Variants in SPAG16 observed in about 807,000 individuals in gnomAD.
SPAG16 encodes the protein sperm-associated antigen 16 protein.
Under a neutral mutation model 80.4 loss-of-function variants are expected in SPAG16, and 86 were observed. The ratio of observed to expected loss-of-function variants is 1.07; its 90% CI spans 0.90 to 1.28. The LOEUF is 1.28. Ranked by LOEUF, SPAG16 falls within the 50% of genes most tolerant of loss-of-function variation. The pLI is 0.00. For missense variants in SPAG16, 870 were observed against 765.3 expected, an observed-to-expected ratio of 1.14 and a Z score of -1.61; for synonymous variants, 294 against 265.9, an observed-to-expected ratio of 1.11 and a Z score of -1.03.
chr2:213,426,879 AC>A (rs1188463215), intron 9 of SPAG16, among the ~76,000 whole-genome samples: 196 of 149,342 alleles, frequency 1.3e-3, no homozygotes, highest in African/African-American at 4.4e-3. Context: ...ACACACACAC[AC>A]ACAGGGCTAC....
intron 12 of SPAG16, among the ~76,000 whole-genome samples, chr2:213,949,169 GTTTT>G (rs767648099): frequency 2.1e-4 from 12 of 56,742 alleles, no homozygotes; most frequent in African/African-American, 5.7e-4. Context: ...AATTACAACA[GTTTT>G]TTTTTTTTTT....
At chr2:213,304,957 G>A (rs1012897594) in intron 3 of SPAG16, among the ~76,000 whole-genome samples, 1 of 152,058 alleles carries the variant, frequency 6.6e-6, no homozygotes, top group African/African-American at 2.4e-5. Context: ...TTTGTAAATT[G>A]CTTTGGATAG....
intron 15 of SPAG16, among the ~76,000 whole-genome samples, chr2:214,271,354 A>G (rs896946526): frequency 6.6e-6 from 1 of 152,200 alleles, no homozygotes; most frequent in African/African-American, 2.4e-5. Context: ...TAAGTCCCTT[A>G]TGATACCAAG....
intron 1 of SPAG16, among the ~76,000 whole-genome samples, chr2:213,290,182 CTA>C (rs1384788476): frequency 6.6e-6 from 1 of 152,206 alleles, no homozygotes; most frequent in Non-Finnish European, 1.5e-5. Flanking sequence ...AGTGCAGAAA[CTA>C]TGAGATAGTT....
intron 15 of SPAG16, among the ~76,000 whole-genome samples, chr2:214,285,037 T>C (rs1693250830): frequency 6.6e-6 from 1 of 152,200 alleles, no homozygotes; most frequent in South Asian, 2.1e-4. Flanking sequence ...TTTATTTTTT[T>C]GAGGAACCTC....
chr2:213,965,598 TTC>T (rs1199188311), intron 12 of SPAG16, among the ~76,000 whole-genome samples: 1 of 152,218 alleles, frequency 6.6e-6, no homozygotes. Flanking sequence ...TTTTCCTTGA[TTC>T]TCTCTGTTAA....
At chr2:214,153,249 A>G (rs1010946089) in intron 15 of SPAG16, among the ~76,000 whole-genome samples, 1 of 152,160 alleles carries the variant, frequency 6.6e-6, no homozygotes. Flanking sequence ...CTGTCCAGGC[A>G]TAACAGAAGG....
intron 11 of SPAG16, among the ~76,000 whole-genome samples, chr2:213,872,217 A>G (rs908902214): frequency 3.3e-5 from 5 of 152,124 alleles, no homozygotes; most frequent in African/African-American, 1.2e-4. Context: ...TGTGACATGA[A>G]AAAGGGATTC....
At chr2:213,449,847 T>A (rs1390472641) in intron 9 of SPAG16, among the ~76,000 whole-genome samples, 1 of 152,148 alleles carries the variant, frequency 6.6e-6, no homozygotes, top group Non-Finnish European at 1.5e-5. Flanking sequence ...AAAATAAAAT[T>A]TGAATACAGT....
intron 9 of SPAG16, among the ~76,000 whole-genome samples, chr2:213,435,214 A>G (rs1227398999): frequency 2.6e-5 from 4 of 152,238 alleles, no homozygotes; most frequent in Admixed American, 6.5e-5. Context: ...ATACCATATC[A>G]TTAAAAGGAT....
At chr2:214,338,947 T>C (rs1432978829) in intron 15 of SPAG16, among the ~76,000 whole-genome samples, 1 of 152,222 alleles carries the variant, frequency 6.6e-6, no homozygotes, top group African/African-American at 2.4e-5. Flanking sequence ...TTCAATGTTT[T>C]ATTAACACTG....
intron 13 of SPAG16, among the ~76,000 whole-genome samples, chr2:214,036,060 C>A (rs6758979): frequency 0.39 from 59,598 of 152,110 alleles, 12,943 homozygotes; most frequent in East Asian, 0.52. Flanking sequence ...TAAATTCCAT[C>A]ATTTATTTTT....
At chr2:213,675,828 C>T (rs1427274830) in intron 10 of SPAG16, among the ~76,000 whole-genome samples, 1 of 151,010 alleles carries the variant, frequency 6.6e-6, no homozygotes, top group African/African-American at 2.4e-5. Context: ...ATGATGCCTC[C>T]AGCTTTGTTC....
intron 9 of SPAG16, among the ~76,000 whole-genome samples, chr2:213,398,421 A>G (rs923409866): frequency 6.6e-6 from 1 of 152,096 alleles, no homozygotes; most frequent in African/African-American, 2.4e-5. Flanking sequence ...CCTCTCTGAC[A>G]TTATCTCCTG....
intron 15 of SPAG16, among the ~76,000 whole-genome samples, chr2:214,153,843 G>C (rs1358565222): frequency 6.6e-6 from 1 of 151,946 alleles, no homozygotes; most frequent in African/African-American, 2.4e-5. Context: ...AGCTTTTCCT[G>C]TTGCTGTAAA....
intron 15 of SPAG16, among the ~76,000 whole-genome samples, chr2:214,274,985 G>A (rs1320997315): frequency 1.3e-5 from 2 of 152,114 alleles, no homozygotes; most frequent in Admixed American, 6.5e-5. Flanking sequence ...CCTGTGATTG[G>A]TGTATTCAGA....
intron 15 of SPAG16, among the ~76,000 whole-genome samples, chr2:214,283,565 C>T (rs1693125233): frequency 6.6e-6 from 1 of 152,090 alleles, no homozygotes; most frequent in African/African-American, 2.4e-5. Flanking sequence ...GAGCAAGAAA[C>T]ACTCTGGAGA....
chr2:213,929,793 T>C (rs56921175), intron 11 of SPAG16, among the ~76,000 whole-genome samples, 167 bp from the exon 12 acceptor site: 4,561 of 152,248 alleles, frequency 0.03, 236 homozygotes, highest in African/African-American at 0.1. Flanking sequence ...AAGTTAGCAA[T>C]TGTGTAGACC....
intron 10 of SPAG16, among the ~76,000 whole-genome samples, chr2:213,593,069 G>GTA (rs139250470): frequency 0.011 from 1,707 of 150,760 alleles, 22 homozygotes; most frequent in Middle Eastern, 0.021. Flanking sequence ...CAATCCGTAT[G>GTA]TATATATATA....
Sources: allele counts gnomAD v4.1 joint callset (sites outside exome capture counted in the v4.1 genomes callset), GRCh38; gene constraint gnomAD v4.1.1; transcripts MANE v1.5; gene names NCBI Gene and HGNC (gene_info 2026-07-23, HGNC 2026-07-21).